FERMT2: variants seen among roughly 807,000 people sequenced by gnomAD.
FERMT2 encodes the protein FERM domain containing kindlin 2, also known as fermitin family homolog 2.
A neutral mutation model predicts 82.7 loss-of-function variants in FERMT2; 15 were observed. That is an observed-to-expected ratio of 0.18 (90% CI 0.12 to 0.28). FERMT2 has a LOEUF of 0.28. Among genes scored for constraint, FERMT2 ranks in the 10% least tolerant of loss-of-function variants. The pLI, the probability that FERMT2 is intolerant of heterozygous loss-of-function variation, is 1.00. For synonymous variants in FERMT2, 274 were observed against 271.5 expected, an observed-to-expected ratio of 1.01 and a Z score of -0.09; for missense variants, 645 against 809.4, an observed-to-expected ratio of 0.80 and a Z score of 2.46.
intron 2 of FERMT2, among the ~76,000 whole-genome samples, chr14:52,938,101 G>C (rs116953723): frequency 6.6e-6 from 1 of 152,164 alleles, no homozygotes; most frequent in African/African-American, 2.4e-5. Context: ...CACAAAGCTT[G>C]TAAGTACTGA....
chr14:52,935,759 A>G (rs138340250), intron 2 of FERMT2, among the ~76,000 whole-genome samples: 40 of 152,356 alleles, frequency 2.6e-4, no homozygotes, highest in Admixed American at 5.2e-4. Context: ...TTTCTTCTAC[A>G]TAGCTAGTTG....
At chr14:52,917,662 G>A (rs1346125743) in intron 3 of FERMT2, among the ~76,000 whole-genome samples, 2 of 152,120 alleles carry the variant, frequency 1.3e-5, no homozygotes, top group Non-Finnish European at 2.9e-5. Flanking sequence ...AGGCGGGGAG[G>A]GAAGATGAAC....
chr14:52,898,662 A>G (rs938253757), intron 3 of FERMT2, among the ~76,000 whole-genome samples: 16 of 152,212 alleles, frequency 1.1e-4, no homozygotes, highest in African/African-American at 2.9e-4. Flanking sequence ...AGGCATTAGA[A>G]AATTCCAAGC....
At chr14:52,910,464 T>G (rs1888253368) in intron 3 of FERMT2, among the ~76,000 whole-genome samples, 1 of 152,132 alleles carries the variant, frequency 6.6e-6, no homozygotes, top group Non-Finnish European at 1.5e-5. Flanking sequence ...GGCTCTTCAT[T>G]TGTGAAGCCT....
chr14:52,923,452 T>TA (rs1392656011), intron 2 of FERMT2, among the ~76,000 whole-genome samples: 1 of 152,186 alleles, frequency 6.6e-6, no homozygotes, highest in Non-Finnish European at 1.5e-5. Flanking sequence ...GCCCCTGTTG[T>TA]AAGCAGTGTT....
intron 2 of FERMT2, among the ~76,000 whole-genome samples, chr14:52,936,903 C>T (rs1200186086): frequency 6.6e-6 from 1 of 151,944 alleles, no homozygotes; most frequent in Non-Finnish European, 1.5e-5. Flanking sequence ...GCTTGTAATC[C>T]CAACACTCTG....
intron 12 of FERMT2, chr14:52,863,327 G>A (rs1164704974): frequency 6.6e-6 from 1 of 152,172 alleles, no homozygotes; most frequent in Admixed American, 6.5e-5. Flanking sequence ...ATTAGTAAGT[G>A]TTCTGGGCAT....
intron 3 of FERMT2, among the ~76,000 whole-genome samples, chr14:52,898,087 G>C (rs73304316): frequency 0.018 from 2,671 of 151,720 alleles, 68 homozygotes; most frequent in African/African-American, 0.06. Flanking sequence ...TTTTCTGATC[G>C]GTTTCTGAAA....
intron 2 of FERMT2, among the ~76,000 whole-genome samples, chr14:52,937,264 G>C (rs1463708025): frequency 6.6e-6 from 1 of 152,124 alleles, no homozygotes; most frequent in Non-Finnish European, 1.5e-5. Flanking sequence ...GTTCACCCCA[G>C]TTTGTAGTAT....
At chr14:52,860,969 T>C in intron 12 of FERMT2, 2 of 1,425,436 alleles carry the variant, frequency 1.4e-6, no homozygotes, top group South Asian at 1.3e-5. Context: ...TGGCTATGAA[T>C]TTTTATTTAT....
chr14:52,898,776 T>C (rs1887450441), intron 3 of FERMT2, among the ~76,000 whole-genome samples: 1 of 152,164 alleles, frequency 6.6e-6, no homozygotes, highest in Admixed American at 6.5e-5. Flanking sequence ...AATCAAGTAC[T>C]AGTATGTGGT....
intron 3 of FERMT2, among the ~76,000 whole-genome samples, chr14:52,912,310 TA>T (rs965472167): frequency 1.7e-4 from 26 of 152,158 alleles, no homozygotes; most frequent in Non-Finnish European, 2.8e-4. Context: ...TATCTACAAA[TA>T]AAATTACCAC....
At position 52,926,411 on chromosome 14, in the gene FERMT2, AACACACACACACACACACACAC is replaced by A. The variant is rs34726532; in HGVS notation, c.158-7077_158-7056del. 8.8e-5 allele frequency among the ~76,000 whole-genome samples: 13 copies of A among 147,072 alleles called. No homozygotes were observed. In the South Asian group the frequency reaches 2.9e-3, roughly 33 times the overall value. On this transcript the variant is annotated intron_variant, in intron 2 of 14. Coordinates refer to ENST00000341590, the MANE Select transcript of FERMT2 (RefSeq NM_006832.3). ...TTTCAAACATTAGATGACCAAGTGC[AACACACACACACACACACACAC>A]ACACACACACACACACACACACTCA... is the stretch of plus-strand genomic sequence containing the variant.
At chr14:52,859,081 T>A (rs571540541) in intron 14 of FERMT2, 1 of 156,742 alleles carries the variant, frequency 6.4e-6, no homozygotes, top group African/African-American at 2.4e-5. Context: ...TGATGTACAG[T>A]GGTAAATGTG....
At chr14:52,899,601 C>G (rs919683744) in intron 3 of FERMT2, among the ~76,000 whole-genome samples, 11 of 152,102 alleles carry the variant, frequency 7.2e-5, no homozygotes, top group African/African-American at 2.7e-4. Flanking sequence ...TTGATAATCA[C>G]TAGTTTAGGG....
At chr14:52,891,459 A>G (rs1886928589) in intron 4 of FERMT2, among the ~76,000 whole-genome samples, 1 of 152,204 alleles carries the variant, frequency 6.6e-6, no homozygotes, top group African/African-American at 2.4e-5. Flanking sequence ...CAATCAGTAC[A>G]TAAAACAGAA....
intron 10 of FERMT2, among the ~76,000 whole-genome samples, chr14:52,867,986 A>G (rs17125827): frequency 0.024 from 3,712 of 152,256 alleles, 152 homozygotes; most frequent in African/African-American, 0.085. Flanking sequence ...CCTCTGCACC[A>G]TAACTGGTAT....
At chr14:52,864,204 T>C (rs1170814959) in intron 12 of FERMT2, among the ~76,000 whole-genome samples, 197 bp downstream of exon 12, 3 of 152,190 alleles carry the variant, frequency 2.0e-5, no homozygotes, top group African/African-American at 4.8e-5. Context: ...TTGAGAGTCA[T>C]GTTGGCACTC....
chr14:52,946,898 C>T (rs917281556), intron 2 of FERMT2, among the ~76,000 whole-genome samples: 1 of 152,092 alleles, frequency 6.6e-6, no homozygotes, highest in African/African-American at 2.4e-5. Flanking sequence ...GTCTCGAAGT[C>T]CTGACCTCAG....
Sources: gnomAD v4.1 joint callset for allele counts (sites outside exome capture counted in the v4.1 genomes callset) on GRCh38, gnomAD v4.1.1 for gene constraint, MANE v1.5 for transcripts, NCBI Gene and HGNC (gene_info 2026-07-23, HGNC 2026-07-21) for gene names.